ZNF701: variants seen among roughly 807,000 people sequenced by gnomAD.
ZNF701 encodes zinc finger protein 701.
ZNF701 carries 6 observed loss-of-function variants against 7.1 expected under a neutral mutation model. That is an observed-to-expected ratio of 0.84 (90% CI 0.46 to 1.66). The LOEUF (loss-of-function observed/expected upper bound fraction) is 1.66, where lower values mean the gene tolerates loss of function less well. Ranked by LOEUF, ZNF701 falls within the 40% of genes most tolerant of loss-of-function variation. ZNF701 has a pLI of 0.01. For missense variants in ZNF701, 541 were observed against 559.2 expected (o/e 0.97, Z 0.33); for synonymous variants, 166 against 188.2 (o/e 0.88, Z 0.97).
the ZNF701 span, among the ~76,000 whole-genome samples, chr19:52,593,026 C>T: frequency 1.7e-5 from 2 of 117,148 alleles, 1 homozygote; most frequent in African/African-American, 6.6e-5. Context: ...CAAAGCACAT[C>T]TTGCACCACC....
chr19:52,599,711 C>T, the ZNF701 span, among the ~76,000 whole-genome samples: 2 of 152,156 alleles, frequency 1.3e-5, no homozygotes, highest in African/African-American at 4.8e-5. Context: ...GATGTTTCCA[C>T]GTGGCTATTT....
chr19:52,573,894 C>T (rs917346275), intron 1 of ZNF701, among the ~76,000 whole-genome samples, 183 bp from the exon 2 acceptor site: 3 of 152,150 alleles, frequency 2.0e-5, no homozygotes, highest in African/African-American at 4.8e-5. Context: ...ACTGCTGCAG[C>T]GTGTGAGGGC....
intron 3 of ZNF701, among the ~76,000 whole-genome samples, chr19:52,577,087 C>G (rs2059939679): frequency 6.6e-6 from 1 of 152,166 alleles, no homozygotes; most frequent in African/African-American, 2.4e-5. Flanking sequence ...ACTTATCCCT[C>G]TGCTCTTCCT....
In ZNF701 at chr19:52,585,544, AG is replaced by A. The variant is rs1418805982; in HGVS notation, c.*2088del. 1 of 137,008 alleles carries A rather than the reference AG, an allele frequency of 7.3e-6. No individual in the cohort carries two copies. The highest frequency in any genetic ancestry group is 2.0e-4 in the East Asian group (1 of 4,960). 8.5% of individuals were successfully genotyped at this position (137,008 alleles called of 1,614,324 possible). ...TTCCAGGTAGATGGATATTAAACAT[AG>A]AATTGAAGAAAAAAAAAAAAACCCC... On this transcript the variant is annotated 3_prime_UTR_variant, in exon 4 of 4. Transcript: ENST00000391785.
chr19:52,592,218 G>C, the ZNF701 span: 1 of 1,577,388 alleles, frequency 6.3e-7, no homozygotes, highest in East Asian at 2.2e-5. Context: ...ACAGGAACCT[G>C]GAGTTTGTGG....
rs1414175384 is a variant in ZNF701, at chr19:52,583,555, C to G, written c.*98C>G. ...AACCTTACAAATGTGAAGAATGTGA[C>G]AAAAGTTTTCAATTTCAAATCACTC... is the stretch of plus-strand genomic sequence containing the variant. On this transcript the variant is annotated 3_prime_UTR_variant, in exon 4 of 4. Transcript: ENST00000391785. 2.8e-5 allele frequency: 43 copies of G among 1,554,326 alleles called. No homozygotes were observed. In the East Asian group the frequency reaches 5.4e-4, roughly 19 times the overall value.
downstream of ZNF701, among the ~76,000 whole-genome samples, chr19:52,588,158 G>T (rs540809416): frequency 6.6e-6 from 1 of 151,354 alleles, no homozygotes; most frequent in East Asian, 2.0e-4. Flanking sequence ...CCCTGTGTGT[G>T]TGTTTTGTCA....
chr19:52,577,771 C>T (rs1015418131), intron 3 of ZNF701, among the ~76,000 whole-genome samples: 12 of 152,036 alleles, frequency 7.9e-5, no homozygotes, highest in African/African-American at 1.9e-4. Context: ...ACCAGCTTCT[C>T]GTGGAAGGCT....
chr19:52,597,102 T>G, the ZNF701 span: 1 of 1,085,300 alleles, frequency 9.2e-7, no homozygotes, highest in Non-Finnish European at 1.4e-6. Context: ...GTGTAATAAA[T>G]GTGGTAAAAT....
At chr19:52,573,371 C>T (rs1057345624) in intron 1 of ZNF701, among the ~76,000 whole-genome samples, 26 of 152,166 alleles carry the variant, frequency 1.7e-4, no homozygotes, top group Admixed American at 5.2e-4. Context: ...TCCCGAGTAG[C>T]TGGGCTTACC....
chr19:52,592,986 G>C, the ZNF701 span, among the ~76,000 whole-genome samples: 32 of 115,798 alleles, frequency 2.8e-4, 9 homozygotes, highest in South Asian at 5.8e-4. Context: ...TGACTCTTAA[G>C]GAGCATGCTG....
rs2059984362 is a variant in ZNF701 at position 52,582,792 on chromosome 19, T to C, written c.733T>C (p.Cys245Arg). The stretch of plus-strand genomic sequence containing the variant: ...CCATTTAGGAGACAAACAGTATAAA[T>C]GTGATGTATGCGGCAAGGACTTTCA... ...IIHLGDKQYK[C>R]DVCGKDFHQK... The change falls in exon 4 of 4, where the codon TGT (cysteine) becomes CGT (arginine). Residue 245 changes from cysteine to arginine, a missense_variant. Transcript: ENST00000391785. 1 of 1,614,070 alleles carries C rather than the reference T, an allele frequency of 6.2e-7. No individual in the cohort carries two copies. Among genetic ancestry groups the C allele is most frequent in the African/African-American group, 1.3e-5 (1 of 74,932 alleles).
At chr19:52,571,770 G>A (rs179775) in intron 1 of ZNF701, among the ~76,000 whole-genome samples, 30,579 of 151,532 alleles carry the variant, frequency 0.2, 3,792 homozygotes, top group African/African-American at 0.36. Flanking sequence ...ATGCACTTTC[G>A]CTCTTGTTGC....
the ZNF701 span, among the ~76,000 whole-genome samples, chr19:52,595,104 C>A: frequency 6.6e-6 from 1 of 152,046 alleles, no homozygotes; most frequent in Non-Finnish European, 1.5e-5. Context: ...GCCTTGGTTT[C>A]CCAAGTAGCT....
At chr19:52,595,868 G>A in the ZNF701 span, 1 of 1,612,964 alleles carries the variant, frequency 6.2e-7, no homozygotes, top group Middle Eastern at 1.7e-4. Context: ...AAGACATGCT[G>A]GAAACAAGCC....
At chr19:52,591,272 A>T (rs1257039668), downstream of ZNF701, among the ~76,000 whole-genome samples, 3 of 152,078 alleles carry the variant, frequency 2.0e-5, no homozygotes, top group African/African-American at 7.2e-5. Context: ...CTGCCTCCAG[A>T]GTTCTATCGA....
intron 3 of ZNF701, 39 bp from the exon 4 acceptor site, chr19:52,582,163 G>A (rs12975229): frequency 0.37 from 562,612 of 1,501,992 alleles, 109,903 homozygotes; most frequent in South Asian, 0.43. Flanking sequence ...TATAACTTCC[G>A]TACTTAATTT....
chr19:52,575,710 T>G (rs1253769848), intron 2 of ZNF701, 185 bp from the exon 3 acceptor site: 4 of 448,964 alleles, frequency 8.9e-6, no homozygotes, highest in Non-Finnish European at 1.6e-5. Flanking sequence ...GAGGGTATCC[T>G]GAGCTCTTCA....
chr19:52,583,384 A>C lies in ZNF701; in HGVS notation c.1325A>C (p.Glu442Ala), dbSNP rs146561813. The C allele has an allele frequency of 5.1e-4, 831 of 1,613,830 alleles. 1 individual carries two copies. The highest frequency in any genetic ancestry group is 8.3e-4 in the Admixed American group (50 of 60,008). ...GGAGAGAAACCTTACAAGTGTAATG[A>C]ATGTGGCAAGGTTTTTAATCGAAAA... is the stretch of plus-strand genomic sequence containing the variant. ...HTGEKPYKCN[E>A]CGKVFNRKSN... Residue 442 changes from glutamate (E) to alanine (A), a missense_variant, in exon 4 of 4, where the codon GAA (glutamate) becomes GCA (alanine). By Grantham distance (107) the Glu-to-Ala change is moderately radical. Coordinates refer to ENST00000391785, the MANE Select transcript of ZNF701 (RefSeq NM_018260.3).
Sources: allele counts gnomAD v4.1 joint callset (sites outside exome capture counted in the v4.1 genomes callset), GRCh38; gene constraint gnomAD v4.1.1; transcripts MANE v1.5; gene names NCBI Gene and HGNC (gene_info 2026-07-23, HGNC 2026-07-21).